The following C1orf21 variants were observed in gnomAD, a reference collection of about 807,000 sequenced individuals.
C1orf21 encodes the protein chromosome 1 open reading frame 21.
In C1orf21, 3 loss-of-function variants were observed where a neutral mutation model predicts 18.7. That is an observed-to-expected ratio of 0.16 (90% confidence interval 0.07 to 0.42). The LOEUF is 0.42. Among genes scored for constraint, C1orf21 ranks in the 10% least tolerant of loss-of-function variants. The probability of loss-of-function intolerance (pLI) is 0.99; values close to 1 mark genes in which losing one functional copy is unlikely to be tolerated. For synonymous variants in C1orf21, 41 were observed against 46.4 expected (o/e 0.88, Z 0.47); for missense variants, 104 against 143.6 (o/e 0.72, Z 1.41).
At chr1:184,616,861 G>A (rs1659834509) in intron 5 of C1orf21, among the ~76,000 whole-genome samples, 1 of 152,206 alleles carries the variant, frequency 6.6e-6, no homozygotes, top group East Asian at 1.9e-4. Flanking sequence ...ACAGGTAGTA[G>A]AGGGACTTCG....
chr1:184,548,214 AACACACAC>A (rs58174774), intron 3 of C1orf21, among the ~76,000 whole-genome samples: 22,496 of 139,952 alleles, frequency 0.16, 1,848 homozygotes, highest in East Asian at 0.28. Context: ...TCAAATCCCC[AACACACAC>A]ACACACACAC....
chr1:184,567,136 C>T (rs1471738589), intron 3 of C1orf21: 6 of 471,916 alleles, frequency 1.3e-5, no homozygotes, highest in Non-Finnish European at 2.6e-5. Flanking sequence ...CAACAGAGCC[C>T]TGCCTTCTTC....
At chr1:184,600,677 T>C (rs1659574345) in intron 5 of C1orf21, among the ~76,000 whole-genome samples, 1 of 152,182 alleles carries the variant, frequency 6.6e-6, no homozygotes, top group Non-Finnish European at 1.5e-5. Context: ...CAAAAGAGCA[T>C]TGGTAGATTC....
At chr1:184,591,694 T>A (rs1659439045) in intron 4 of C1orf21, among the ~76,000 whole-genome samples, 1 of 151,920 alleles carries the variant, frequency 6.6e-6, no homozygotes, top group Admixed American at 6.6e-5. Context: ...TAGTCCCAGC[T>A]ACTCGGGAGG....
chr1:184,409,517 ATAAG>A (rs1219631543), intron 1 of C1orf21, among the ~76,000 whole-genome samples: 1 of 152,128 alleles, frequency 6.6e-6, no homozygotes, highest in Non-Finnish European at 1.5e-5. Flanking sequence ...AACAGAAAGA[ATAAG>A]AAAGAAGGTG....
chr1:184,474,822 G>A (rs1205295327), intron 1 of C1orf21, among the ~76,000 whole-genome samples: 9 of 152,236 alleles, frequency 5.9e-5, no homozygotes, highest in South Asian at 4.2e-4. Context: ...GTGTGAAGTC[G>A]TTTTCCCATA....
At chr1:184,600,044 G>T (rs1049829546) in intron 5 of C1orf21, among the ~76,000 whole-genome samples, 1 of 152,108 alleles carries the variant, frequency 6.6e-6, no homozygotes, top group African/African-American at 2.4e-5. Context: ...TAGCTTTTTG[G>T]CAAGAAAAAG....
At chr1:184,595,754 G>A (rs1221698102) in intron 4 of C1orf21, among the ~76,000 whole-genome samples, 2 of 152,188 alleles carry the variant, frequency 1.3e-5, no homozygotes, top group Non-Finnish European at 2.9e-5. Flanking sequence ...TTATCTGGAG[G>A]AGCCTGTCTG....
intron 3 of C1orf21, among the ~76,000 whole-genome samples, chr1:184,566,138 C>T (rs565538359): frequency 3.3e-5 from 5 of 152,154 alleles, no homozygotes; most frequent in East Asian, 1.9e-4. Context: ...GGGTACTTCC[C>T]GATAGGAGTC....
At chr1:184,610,882 C>T (rs1307943917) in intron 5 of C1orf21, among the ~76,000 whole-genome samples, 1 of 151,792 alleles carries the variant, frequency 6.6e-6, no homozygotes, top group African/African-American at 2.4e-5. Context: ...AAATATCCTC[C>T]TTACTGTTGG....
At chr1:184,548,461 C>T (rs1658763753) in intron 3 of C1orf21, among the ~76,000 whole-genome samples, 1 of 137,810 alleles carries the variant, frequency 7.3e-6, no homozygotes. Context: ...GTCGCCCAGG[C>T]TGGAGTGCAG....
chr1:184,495,935 A>G (rs1371373148), intron 2 of C1orf21, among the ~76,000 whole-genome samples: 1 of 151,724 alleles, frequency 6.6e-6, no homozygotes. Flanking sequence ...AAAAAAAAAA[A>G]AAAAAGATAT....
At chr1:184,574,801 C>G (rs1184799255) in intron 3 of C1orf21, among the ~76,000 whole-genome samples, 1 of 152,164 alleles carries the variant, frequency 6.6e-6, no homozygotes, top group Admixed American at 6.5e-5. Context: ...GCCGTGAGAG[C>G]AGCAGGGGAT....
intron 4 of C1orf21, among the ~76,000 whole-genome samples, chr1:184,596,544 A>G (rs1315048685): frequency 6.6e-6 from 1 of 152,196 alleles, no homozygotes; most frequent in Non-Finnish European, 1.5e-5. Flanking sequence ...CAACATATAC[A>G]TACGGTTATC....
At chr1:184,534,563 T>G (rs986969024) in intron 3 of C1orf21, among the ~76,000 whole-genome samples, 3 of 148,552 alleles carry the variant, frequency 2.0e-5, no homozygotes, top group South Asian at 4.2e-4. Context: ...TTTGGTTGTG[T>G]TTTTTTTTAT....
At chr1:184,562,639 G>A (rs183478173) in intron 3 of C1orf21, among the ~76,000 whole-genome samples, 7 of 152,330 alleles carry the variant, frequency 4.6e-5, no homozygotes, top group South Asian at 2.1e-4. Flanking sequence ...TCTACACAGC[G>A]CCTTTCAGCA....
intron 1 of C1orf21, among the ~76,000 whole-genome samples, chr1:184,392,347 G>T (rs1317107635): frequency 1.3e-5 from 2 of 152,164 alleles, no homozygotes; most frequent in African/African-American, 2.4e-5. Context: ...ATTCACTGCT[G>T]CTCCCTCTAA....
At chr1:184,450,386 C>T (rs1657104472) in intron 1 of C1orf21, among the ~76,000 whole-genome samples, 1 of 152,120 alleles carries the variant, frequency 6.6e-6, no homozygotes, top group Non-Finnish European at 1.5e-5. Context: ...CCAGCTGTAG[C>T]ACTAAATCAG....
intron 1 of C1orf21, among the ~76,000 whole-genome samples, chr1:184,421,820 A>G (rs1656550865): frequency 1.3e-5 from 2 of 152,186 alleles, no homozygotes; most frequent in Non-Finnish European, 2.9e-5. Context: ...ATGGTTTCTA[A>G]TTTCAGCATT....
Sources: allele counts gnomAD v4.1 joint callset (sites outside exome capture counted in the v4.1 genomes callset), GRCh38; gene constraint gnomAD v4.1.1; transcripts MANE v1.5; gene names NCBI Gene and HGNC (gene_info 2026-07-23, HGNC 2026-07-21).